The following GRID2IP variants were observed in gnomAD, a reference collection of about 807,000 sequenced individuals.
The protein encoded by GRID2IP is Grid2 interacting protein.
A neutral mutation model predicts 114.3 loss-of-function variants in GRID2IP; 78 were observed. The observed-to-expected ratio is 0.68, with a 90% CI of 0.57 to 0.82. GRID2IP has a LOEUF of 0.82. Among genes scored for constraint, GRID2IP ranks in the 40% least tolerant of loss-of-function variants. GRID2IP has a pLI of 0.00. For synonymous variants in GRID2IP, 809 were observed against 724.0 expected, an observed-to-expected ratio of 1.12 and a Z score of -1.89; for missense variants, 1,727 against 1,678.5, an observed-to-expected ratio of 1.03 and a Z score of -0.51.
At chr7:6,545,785 G>T (rs1330145307) in intron 1 of GRID2IP, among the ~76,000 whole-genome samples, 1 of 152,160 alleles carries the variant, frequency 6.6e-6, no homozygotes, top group African/African-American at 2.4e-5. Flanking sequence ...ACTTCCTGCA[G>T]GCCCCAGCTC....
At position 6,506,268 on chromosome 7, in the gene GRID2IP, A is replaced by G. The variant is rs1199507700; in HGVS notation, c.2545-361T>C. On this transcript the variant is annotated intron_variant, in intron 13 of 21. Transcript: ENST00000457091. This position sits in a 1 kb window ranked among gnomAD's most constrained non-coding sequence, Gnocchi z 5.2. Reference sequence around the variant, plus strand: ...GCTCTGTCATCAGGTCTCCTTGGAGAGCGGTGAGTTCACCAGGGCTGCCCT... The same window carrying G: ...GCTCTGTCATCAGGTCTCCTTGGAGGGCGGTGAGTTCACCAGGGCTGCCCT... 6.6e-6 allele frequency among the ~76,000 whole-genome samples: 1 copy of G among 152,130 alleles called. No individual in the cohort carries two copies. Among genetic ancestry groups the G allele is most frequent in the Non-Finnish European group, 1.5e-5 (1 of 68,028 alleles).
rs1428204690 is a variant in GRID2IP at position 6,523,042 on chromosome 7, G to A, written c.920-1085C>T. Among the ~76,000 whole-genome samples, 1 of 152,062 alleles carries A rather than the reference G, an allele frequency of 6.6e-6. No individual in the cohort carries two copies. The highest frequency in any genetic ancestry group is 6.6e-5 in the Admixed American group (1 of 15,244). On this transcript the variant is annotated intron_variant, in intron 4 of 21. Transcript: ENST00000457091. This position sits in a 1 kb window ranked among gnomAD's most constrained non-coding sequence, Gnocchi z 4.5. ...TGGTCTCAAACTCCTGGCCTCAAAT[G>A]ATCCTCCTGCCTCAGTCTCCCAAAG...
chr7:6,530,200 C>T (rs139186307), intron 2 of GRID2IP, among the ~76,000 whole-genome samples: 3,310 of 151,924 alleles, frequency 0.022, 63 homozygotes, highest in Middle Eastern at 0.037. Context: ...CCTCATGATC[C>T]GCCCGCCTCG....
intron 1 of GRID2IP, among the ~76,000 whole-genome samples, chr7:6,540,343 C>T (rs1472397464): frequency 6.6e-6 from 1 of 151,956 alleles, no homozygotes; most frequent in Non-Finnish European, 1.5e-5. Flanking sequence ...AACTCCCAAC[C>T]TCAGGTGATC....
Position 6,503,677 on chromosome 7 carries a change from C to A in GRID2IP, c.2721G>T (p.Leu907Phe), listed in dbSNP as rs1423317555. The change falls in exon 16 of 22, where the codon TTG becomes TTT. Residue 907 changes from leucine (L) to phenylalanine (F), a missense_variant. Leu to Phe is a conservative substitution (Grantham distance 22). Coordinates refer to ENST00000457091, the MANE Select transcript of GRID2IP (RefSeq NM_001145118.2). ...CCGCGGGGCTCAGCTTCAGGTGTGC[C>A]AAGAGGATGGCTGCGGGCGGGGCGG... Reference protein sequence around the residue: ...HKKAYNTSILLAHLKLSPAEL... With the variant: ...HKKAYNTSILFAHLKLSPAEL... The A allele has an allele frequency of 5.4e-6, 8 of 1,470,602 alleles. No individual in the cohort carries two copies. Among genetic ancestry groups the A allele is most frequent in the Non-Finnish European group, 7.2e-6 (8 of 1,112,950 alleles). 91.1% of individuals were successfully genotyped at this position (1,470,602 alleles called of 1,614,324 possible).
chr7:6,527,661 C>T (rs1295718178), intron 2 of GRID2IP, among the ~76,000 whole-genome samples: 1 of 152,148 alleles, frequency 6.6e-6, no homozygotes, highest in Admixed American at 6.5e-5. Flanking sequence ...GATCATAGCA[C>T]GATCATAGCT....
Position 6,510,265 on chromosome 7 carries a change from C to G in GRID2IP, c.1771+18G>C. ...AGGGAAACACCCAGACAGTAGATGA[C>G]AGAGGCTGGAGCCCTACCTGTGGTG... is the stretch of plus-strand genomic sequence containing the variant. On this transcript the variant is annotated intron_variant, in intron 11 of 21. Transcript: ENST00000457091. 1 of 1,487,578 alleles carries G rather than the reference C, an allele frequency of 6.7e-7. No individual in the cohort carries two copies. Among genetic ancestry groups the G allele is most frequent in the Non-Finnish European group, 9.1e-7 (1 of 1,096,986 alleles). The allele number at this position is 1,487,578 out of a possible 1,614,324, so 92.1% of individuals were successfully genotyped here.
chr7:6,530,098 A>G (rs1265750823), intron 2 of GRID2IP, among the ~76,000 whole-genome samples: 2 of 151,684 alleles, frequency 1.3e-5, no homozygotes, highest in Non-Finnish European at 1.5e-5. Flanking sequence ...AGCTGGGACT[A>G]CAGGCGCATG....
Position 6,520,634 on chromosome 7 carries a change from G to C in GRID2IP, c.1212C>G (p.Leu404=), listed in dbSNP as rs754459115. ...RTFSQQLEHL[L]TPPERYGVCR... is the part of the protein sequence containing the mutation. ...AGACCCCATAGCGCTCAGGAGGTGT[G>C]AGTAGGTGCTCCAGCTGCTGGCTGA... Residue 404 remains leucine, a synonymous_variant, in exon 7 of 22, where the codon CTC becomes CTG. Transcript: ENST00000457091. The surrounding 1 kb of genome is among the most constrained non-coding windows in gnomAD (Gnocchi z 4.6). 3.2e-6 allele frequency: 5 copies of C among 1,551,744 alleles called. No homozygotes were observed. Among genetic ancestry groups the C allele is most frequent in the Non-Finnish European group, 4.4e-6 (5 of 1,146,994 alleles).
intron 17 of GRID2IP, 29 bp downstream of exon 17, chr7:6,502,979 A>C (rs1245461555): frequency 3.4e-5 from 53 of 1,551,052 alleles, no homozygotes; most frequent in Non-Finnish European, 4.4e-5. Context: ...AGAAGCAGAT[A>C]GGGTGCCAGG....
In GRID2IP at chr7:6,521,834, C is replaced by A; in HGVS notation, c.989+54G>T. 2 of 1,357,574 alleles carry A rather than the reference C, an allele frequency of 1.5e-6. No homozygotes were observed. Among genetic ancestry groups the A allele is most frequent in the Non-Finnish European group, 1.0e-6 (1 of 971,686 alleles). 84.1% of individuals were successfully genotyped at this position (1,357,574 alleles called of 1,614,324 possible). On this transcript the variant is annotated intron_variant, in intron 5 of 21. Coordinates refer to ENST00000457091, the MANE Select transcript of GRID2IP (RefSeq NM_001145118.2). This position sits in a 1 kb window ranked among gnomAD's most constrained non-coding sequence, Gnocchi z 4.1. Reference sequence around the variant, plus strand: ...GGTGCCCCAAGAGGCAGGAGTCTTGCAGGGGGTGGGGGCAGCTCCTCACCA... The same window carrying A: ...GGTGCCCCAAGAGGCAGGAGTCTTGAAGGGGGTGGGGGCAGCTCCTCACCA...
At chr7:6,530,248 G>A (rs1038076394) in intron 2 of GRID2IP, among the ~76,000 whole-genome samples, 4 of 151,488 alleles carry the variant, frequency 2.6e-5, no homozygotes, top group Admixed American at 6.6e-5. Context: ...GTGAGCCACC[G>A]CGCCTGGCCT....
At chr7:6,517,882 G>A (rs1042959791) in intron 7 of GRID2IP, among the ~76,000 whole-genome samples, 7 of 151,410 alleles carry the variant, frequency 4.6e-5, no homozygotes, top group Non-Finnish European at 1.0e-4. Context: ...CAGCCTGGGC[G>A]ACAGAGCAAA....
At position 6,510,362 on chromosome 7, in the gene GRID2IP, G is replaced by C; in HGVS notation, c.1692C>G (p.Asn564Lys). ...AVYAELESRL[N>K]SSFKGKMGTV... ...TCCCCATCTTCCCTTTGAAGCTGCT[G>C]TTCAGTCGAGACTCAAGCTCTGCAT... Residue 564 changes from asparagine (N) to lysine (K), a missense_variant, in exon 11 of 22, where the codon AAC (asparagine) becomes AAG (lysine). Transcript: ENST00000457091. 1 of 1,547,028 alleles carries C rather than the reference G, an allele frequency of 6.5e-7. No individual in the cohort carries two copies. Among genetic ancestry groups the C allele is most frequent in the Non-Finnish European group, 8.7e-7 (1 of 1,144,894 alleles).
chr7:6,547,074 A>G (rs1779899535), intron 1 of GRID2IP, among the ~76,000 whole-genome samples: 1 of 152,164 alleles, frequency 6.6e-6, no homozygotes, highest in South Asian at 2.1e-4. Flanking sequence ...GGAGATGCAC[A>G]ATTTTCCAAG....
Position 6,498,118 on chromosome 7 carries a change from G to C in GRID2IP, c.3510C>G (p.Ala1170=), listed in dbSNP as rs1319375210. ...TGCCGAAGAAAGCCTCAGAGGTGGT[G>C]GCCTTGGAATCCTCCCCAAAGAAGG... ...ALAFFGEDSK[A]TTSEAFFGIF... is the part of the protein sequence containing the mutation. The change falls in exon 21 of 22, where the codon GCC becomes GCG. Residue 1170 remains alanine (A), a synonymous_variant. Coordinates refer to ENST00000457091, the MANE Select transcript of GRID2IP (RefSeq NM_001145118.2). The C allele has an allele frequency of 6.4e-7, 1 of 1,551,688 alleles. No individual in the cohort carries two copies. Among genetic ancestry groups the C allele is most frequent in the South Asian group, 1.2e-5 (1 of 84,062 alleles).
At chr7:6,504,467 T>C (rs1244874780) in intron 15 of GRID2IP, among the ~76,000 whole-genome samples, 2 of 148,010 alleles carry the variant, frequency 1.4e-5, no homozygotes, top group Non-Finnish European at 3.0e-5. Context: ...GAGGACGGGG[T>C]TCTCGAGACG....
At chr7:6,535,923 A>G (rs1436760330) in intron 2 of GRID2IP, among the ~76,000 whole-genome samples, 1 of 150,806 alleles carries the variant, frequency 6.6e-6, no homozygotes, top group Non-Finnish European at 1.5e-5. Flanking sequence ...GCACCACCAG[A>G]CTCCACCAGT....
chr7:6,496,973 G>A lies in GRID2IP; in HGVS notation c.*801C>T, dbSNP rs1786272239. ...GATTGTGTCATCTGCCCCCACACCT[G>A]CCCCGGTCTCATGACTTGCTCCAGG... is the stretch of plus-strand genomic sequence containing the variant. On this transcript the variant is annotated 3_prime_UTR_variant, in exon 22 of 22. Coordinates refer to ENST00000457091, the MANE Select transcript of GRID2IP (RefSeq NM_001145118.2). 1.3e-5 allele frequency among the ~76,000 whole-genome samples: 2 copies of A among 152,078 alleles called. No individual in the cohort carries two copies. The highest frequency in any genetic ancestry group is 2.1e-4 in the South Asian group (1 of 4,830).
Sources: gnomAD v4.1 joint callset for allele counts (sites outside exome capture counted in the v4.1 genomes callset) on GRCh38, gnomAD v4.1.1 for gene constraint, Gnocchi (gnomAD v3.1) non-coding constraint, MANE v1.5 for transcripts, NCBI Gene and HGNC (gene_info 2026-07-23, HGNC 2026-07-21) for gene names.